FBXL7: variants seen among roughly 807,000 people sequenced by gnomAD.
FBXL7 encodes the protein F-box and leucine rich repeat protein 7.
Under a neutral mutation model 38.3 loss-of-function variants are expected in FBXL7, and 12 were observed. The ratio of observed to expected loss-of-function variants is 0.31; its 90% CI spans 0.20 to 0.51. The LOEUF is 0.51. Among genes scored for constraint, FBXL7 ranks in the 20% least tolerant of loss-of-function variants. FBXL7 has a pLI of 0.98. For synonymous variants in FBXL7, 297 were observed against 300.9 expected, an observed-to-expected ratio of 0.99 and a Z score of 0.13; for missense variants, 567 against 676.4, an observed-to-expected ratio of 0.84 and a Z score of 1.79.
chr5:15,888,933 G>C (rs1740793898), intron 2 of FBXL7, among the ~76,000 whole-genome samples: 1 of 152,138 alleles, frequency 6.6e-6, no homozygotes, highest in African/African-American at 2.4e-5. Context: ...TGTGCAGAGA[G>C]ATTTCTAGCT....
At chr5:15,856,952 T>C (rs1739290530) in intron 2 of FBXL7, among the ~76,000 whole-genome samples, 2 of 152,242 alleles carry the variant, frequency 1.3e-5, no homozygotes, top group African/African-American at 2.4e-5. Flanking sequence ...TTTATCTTTA[T>C]GTATGTATGC....
intron 2 of FBXL7, among the ~76,000 whole-genome samples, chr5:15,804,314 T>A (rs901495753): frequency 6.6e-6 from 1 of 151,716 alleles, no homozygotes; most frequent in African/African-American, 2.4e-5. Flanking sequence ...CAAAAAAATT[T>A]AAGAACTAGC....
rs73752350 is a variant in FBXL7 at position 15,887,201 on chromosome 5, G to C, written c.128-40689G>C. ...ACTTGACAAGACCACCAATTGTTCTGTTGTGTTTTGGAAACTCGATCCAAG... is the reference window on the plus strand; with the variant it reads ...ACTTGACAAGACCACCAATTGTTCTCTTGTGTTTTGGAAACTCGATCCAAG... On this transcript the variant is annotated intron_variant, in intron 2 of 3. Coordinates refer to ENST00000504595, the MANE Select transcript of FBXL7 (RefSeq NM_012304.5). 7.0e-3 allele frequency among the ~76,000 whole-genome samples: 1,069 copies of C among 152,252 alleles called. 20 individuals are homozygous for C. Among genetic ancestry groups the C allele is most frequent in the African/African-American group, 0.025 (1,018 of 41,548 alleles).
chr5:15,785,209 C>T (rs761758880), intron 2 of FBXL7, among the ~76,000 whole-genome samples: 67 of 152,302 alleles, frequency 4.4e-4, no homozygotes, highest in Non-Finnish European at 7.9e-4. Context: ...TGCTCTGCAT[C>T]GCTCTGACCA....
At chr5:15,667,077 T>TG (rs1432213063) in intron 2 of FBXL7, among the ~76,000 whole-genome samples, 1 of 152,200 alleles carries the variant, frequency 6.6e-6, no homozygotes, top group Non-Finnish European at 1.5e-5. Flanking sequence ...AGAAACTTTA[T>TG]GGGGATATAT....
chr5:15,507,609 A>T (rs1049794589), intron 1 of FBXL7, among the ~76,000 whole-genome samples: 1 of 152,188 alleles, frequency 6.6e-6, no homozygotes, highest in Admixed American at 6.5e-5. Flanking sequence ...GGCCTTAGGG[A>T]TGTAATAAAA....
intron 2 of FBXL7, among the ~76,000 whole-genome samples, chr5:15,872,934 A>G (rs1740030774): frequency 6.6e-6 from 1 of 152,210 alleles, no homozygotes; most frequent in Non-Finnish European, 1.5e-5. Flanking sequence ...AGTGGACCTA[A>G]TAGACATCTA....
intron 2 of FBXL7, among the ~76,000 whole-genome samples, chr5:15,768,827 A>G (rs2126708183): frequency 6.6e-6 from 1 of 152,280 alleles, no homozygotes; most frequent in African/African-American, 2.4e-5. Context: ...TTTGCTATGG[A>G]CTACACAGTA....
intron 1 of FBXL7, among the ~76,000 whole-genome samples, chr5:15,504,855 C>A (rs1262724450): frequency 6.6e-6 from 1 of 152,170 alleles, no homozygotes; most frequent in Non-Finnish European, 1.5e-5. Flanking sequence ...GGTTTCTGAG[C>A]CTCACCATCA....
chr5:15,533,071 C>T (rs1418711672), intron 1 of FBXL7, among the ~76,000 whole-genome samples: 2 of 152,104 alleles, frequency 1.3e-5, no homozygotes, highest in South Asian at 2.1e-4. Context: ...GTGGGAGACC[C>T]GAATGGGGAT....
chr5:15,927,743 C>T (rs1470546932), intron 2 of FBXL7, 147 bp from the exon 3 acceptor site: 2 of 833,880 alleles, frequency 2.4e-6, no homozygotes, highest in African/African-American at 4.0e-5. Context: ...CCATTGCACT[C>T]CCGCCTGGGC....
At chr5:15,881,024 T>C (rs1370079080) in intron 2 of FBXL7, among the ~76,000 whole-genome samples, 2 of 152,114 alleles carry the variant, frequency 1.3e-5, no homozygotes, top group African/African-American at 4.8e-5. Flanking sequence ...TTCACTCTTT[T>C]TAAATTTTTA....
chr5:15,934,468 A>G (rs1043762296), intron 3 of FBXL7, among the ~76,000 whole-genome samples: 3 of 151,742 alleles, frequency 2.0e-5, no homozygotes, highest in South Asian at 4.1e-4. Flanking sequence ...AGTGTTTCCT[A>G]TATATAAATA....
At chr5:15,753,564 A>G (rs995751805) in intron 2 of FBXL7, among the ~76,000 whole-genome samples, 3 of 151,644 alleles carry the variant, frequency 2.0e-5, no homozygotes, top group South Asian at 2.1e-4. Flanking sequence ...GCTCATGGCT[A>G]TTTTTTCTAC....
At position 15,938,748 on chromosome 5, in the gene FBXL7, C is replaced by T; in HGVS notation, c.*1562C>T. The T allele has an allele frequency of 5.4e-6, 2 of 368,132 alleles. No individual in the cohort carries two copies. The highest frequency in any genetic ancestry group is 9.6e-6 in the Non-Finnish European group (2 of 207,618). 22.8% of individuals were successfully genotyped at this position (368,132 alleles called of 1,614,324 possible). ...AGGTATGGATTTTAAATGGATGAAA[C>T]TTCAAATTATCTTATTTGGATAGAA... On this transcript the variant is annotated 3_prime_UTR_variant, in exon 4 of 4. Coordinates refer to ENST00000504595, the MANE Select transcript of FBXL7 (RefSeq NM_012304.5).
intron 2 of FBXL7, among the ~76,000 whole-genome samples, chr5:15,726,433 AAAAAT>A (rs774876838): frequency 2.0e-5 from 3 of 152,050 alleles, no homozygotes; most frequent in Non-Finnish European, 4.4e-5. Context: ...CGCCCCTTAA[AAAAAT>A]AAAATAAACA....
chr5:15,699,776 T>C (rs1743464839), intron 2 of FBXL7, among the ~76,000 whole-genome samples: 1 of 152,220 alleles, frequency 6.6e-6, no homozygotes, highest in Non-Finnish European at 1.5e-5. Flanking sequence ...GATTGTGCCT[T>C]AGAATGTGTA....
intron 2 of FBXL7, among the ~76,000 whole-genome samples, chr5:15,882,553 A>G (rs1195329217): frequency 6.6e-6 from 1 of 152,182 alleles, no homozygotes; most frequent in Non-Finnish European, 1.5e-5. Context: ...TTCTTCTTAC[A>G]CAGCCAGGAT....
intron 2 of FBXL7, among the ~76,000 whole-genome samples, chr5:15,873,255 CT>C (rs1252472427): frequency 1.3e-5 from 2 of 152,096 alleles, no homozygotes; most frequent in Non-Finnish European, 2.9e-5. Flanking sequence ...TGGGACACAG[CT>C]AAAGCAGTGT....
Sources: gnomAD v4.1 joint callset for allele counts (sites outside exome capture counted in the v4.1 genomes callset) on GRCh38, gnomAD v4.1.1 for gene constraint, MANE v1.5 for transcripts, NCBI Gene and HGNC (gene_info 2026-07-23, HGNC 2026-07-21) for gene names.